Variants in TYR observed in about 807,000 individuals in gnomAD.
TYR encodes LB24-AB.
In TYR, 58 loss-of-function variants were observed where a neutral mutation model predicts 51.5. The ratio of observed to expected loss-of-function variants is 1.13; its 90% CI spans 0.91 to 1.40. The LOEUF (loss-of-function observed/expected upper bound fraction) is 1.40. Ranked by LOEUF, TYR falls within the 40% of genes most tolerant of loss-of-function variation. TYR has a pLI of 0.00. For missense variants in TYR, 732 were observed against 647.4 expected (o/e 1.13, Z -1.42); for synonymous variants, 263 against 235.2 (o/e 1.12, Z -1.08).
intron 1 of TYR, among the ~76,000 whole-genome samples, chr11:89,183,269 C>G (rs574565856): frequency 3.3e-5 from 5 of 151,828 alleles, no homozygotes; most frequent in Admixed American, 2.0e-4. Context: ...AACACTTGAT[C>G]GTCCCCCCAG....
intron 2 of TYR, among the ~76,000 whole-genome samples, chr11:89,199,548 T>G (rs567507868): frequency 1.3e-5 from 2 of 152,182 alleles, no homozygotes; most frequent in African/African-American, 4.8e-5. Context: ...ACACTGATAT[T>G]GAAGACATAT....
intron 3 of TYR, among the ~76,000 whole-genome samples, chr11:89,238,757 C>T (rs777173603): frequency 3.3e-5 from 5 of 152,150 alleles, no homozygotes; most frequent in African/African-American, 7.2e-5. Context: ...TATTGAGGTA[C>T]GTTCCATCTA....
At position 89,295,278 on chromosome 11, in the gene TYR, G is replaced by T. The variant is rs775135504; in HGVS notation, c.1502G>T (p.Arg501Leu). The change falls in exon 5 of 5, where the codon CGT (arginine) becomes CTT (leucine). Residue 501 changes from arginine (R) to leucine (L), a missense_variant. Coordinates refer to ENST00000263321, the MANE Select transcript of TYR (RefSeq NM_000372.5). ...GCAGGGCTTGTGAGCTTGCTGTGTC[G>T]TCACAAGAGAAAGCAGCTTCCTGAA... Reference protein sequence around the residue: ...LLAGLVSLLCRHKRKQLPEEK... With the variant: ...LLAGLVSLLCLHKRKQLPEEK... 6.2e-7 allele frequency: 1 copy of T among 1,613,644 alleles called. No individual in the cohort carries two copies. The highest frequency in any genetic ancestry group is 8.5e-7 in the Non-Finnish European group (1 of 1,179,822).
intron 3 of TYR, among the ~76,000 whole-genome samples, chr11:89,255,764 CTTG>C (rs1265686730): frequency 6.6e-6 from 1 of 151,504 alleles, no homozygotes; most frequent in African/African-American, 2.4e-5. Flanking sequence ...CTAATTTATT[CTTG>C]TTGGTGGTAA....
chr11:89,240,023 G>T (rs1161454856), intron 3 of TYR, among the ~76,000 whole-genome samples: 2 of 152,040 alleles, frequency 1.3e-5, no homozygotes, highest in Non-Finnish European at 2.9e-5. Flanking sequence ...CTGTTAGAAT[G>T]TTCTGTATAC....
chr11:89,226,685 A>G (rs1398261490), intron 2 of TYR, among the ~76,000 whole-genome samples: 1 of 152,148 alleles, frequency 6.6e-6, no homozygotes, highest in African/African-American at 2.4e-5. Flanking sequence ...TTGCCAATAA[A>G]ATAGTTCTAC....
At chr11:89,190,028 G>T (rs1383781947) in intron 1 of TYR, among the ~76,000 whole-genome samples, 1 of 152,052 alleles carries the variant, frequency 6.6e-6, no homozygotes, top group African/African-American at 2.4e-5. Flanking sequence ...GGTGATGCTG[G>T]TGTAAACCTA....
chr11:89,230,737 T>C (rs1234180262), intron 3 of TYR, among the ~76,000 whole-genome samples: 1 of 151,974 alleles, frequency 6.6e-6, no homozygotes, highest in Non-Finnish European at 1.5e-5. Flanking sequence ...TAGACATTTC[T>C]CAAAAGAAGA....
At chr11:89,204,838 A>C (rs1220949294) in intron 2 of TYR, among the ~76,000 whole-genome samples, 1 of 151,686 alleles carries the variant, frequency 6.6e-6, no homozygotes, top group Non-Finnish European at 1.5e-5. Context: ...AAAAAAAAAA[A>C]GACAGCAGAC....
chr11:89,207,517 T>C (rs1943687252), intron 2 of TYR, among the ~76,000 whole-genome samples: 1 of 152,204 alleles, frequency 6.6e-6, no homozygotes, highest in Non-Finnish European at 1.5e-5. Flanking sequence ...TAGAATGTTT[T>C]CCTTGAGAAT....
At chr11:89,211,006 A>G (rs910660809) in intron 2 of TYR, among the ~76,000 whole-genome samples, 1 of 152,204 alleles carries the variant, frequency 6.6e-6, no homozygotes, top group Non-Finnish European at 1.5e-5. Flanking sequence ...CACTGCAAAA[A>G]CACACCAAAT....
intron 3 of TYR, among the ~76,000 whole-genome samples, chr11:89,268,563 C>T (rs1944551979): frequency 6.6e-6 from 1 of 151,900 alleles, no homozygotes; most frequent in African/African-American, 2.4e-5. Context: ...TATTGCTCCC[C>T]TGGCATACTA....
At chr11:89,209,959 T>C (rs1943730470) in intron 2 of TYR, among the ~76,000 whole-genome samples, 1 of 152,126 alleles carries the variant, frequency 6.6e-6, no homozygotes, top group Non-Finnish European at 1.5e-5. Flanking sequence ...AACCCCATTT[T>C]TAGGTCACAT....
intron 2 of TYR, among the ~76,000 whole-genome samples, chr11:89,213,539 T>A (rs1001261551): frequency 4.6e-5 from 7 of 152,134 alleles, no homozygotes; most frequent in Non-Finnish European, 1.0e-4. Context: ...TCCAATGCTA[T>A]CCCCATCAGG....
At chr11:89,212,741 C>T (rs1943776837) in intron 2 of TYR, among the ~76,000 whole-genome samples, 1 of 152,094 alleles carries the variant, frequency 6.6e-6, no homozygotes, top group Non-Finnish European at 1.5e-5. Context: ...TTATCCACCA[C>T]AATCAAGTTG....
intron 1 of TYR, among the ~76,000 whole-genome samples, chr11:89,188,440 C>A (rs900297535): frequency 6.6e-6 from 1 of 151,958 alleles, no homozygotes; most frequent in Admixed American, 6.6e-5. Context: ...GTGCTAAGTG[C>A]ACAGATAAAG....
At chr11:89,231,859 C>A (rs1331413503) in intron 3 of TYR, among the ~76,000 whole-genome samples, 1 of 139,978 alleles carries the variant, frequency 7.1e-6, no homozygotes, top group African/African-American at 2.9e-5. Flanking sequence ...GTGGTGTGCG[C>A]TTGTGATCAC....
chr11:89,295,088 G>T, intron 4 of TYR, 55 bp from the exon 5 acceptor site: 1 of 1,599,954 alleles, frequency 6.3e-7, no homozygotes, highest in South Asian at 1.1e-5. Flanking sequence ...GAAGATGATG[G>T]TGATCGTAAC....
intron 3 of TYR, among the ~76,000 whole-genome samples, chr11:89,230,461 T>A (rs1944032704): frequency 6.6e-6 from 1 of 152,040 alleles, no homozygotes; most frequent in Non-Finnish European, 1.5e-5. Context: ...TTCCAAGACT[T>A]TGGTCTGGGC....
Sources: gnomAD v4.1 joint callset for allele counts (sites outside exome capture counted in the v4.1 genomes callset) on GRCh38, gnomAD v4.1.1 for gene constraint, MANE v1.5 for transcripts, NCBI Gene and HGNC (gene_info 2026-07-23, HGNC 2026-07-21) for gene names.